Variants in ANKRD11 observed in about 807,000 individuals in gnomAD.
The protein encoded by ANKRD11 is ankyrin repeat domain-containing protein 11.
ANKRD11 carries 17 observed loss-of-function variants against 195.7 expected under a neutral mutation model. That is an observed-to-expected ratio of 0.09 (90% CI 0.06 to 0.13). ANKRD11 has a LOEUF of 0.13. ANKRD11 is among the 10% of genes least tolerant of loss of function. The pLI is 1.00. For synonymous variants in ANKRD11, 1,953 were observed against 1,528.1 expected (o/e 1.28, Z -6.49); for missense variants, 3,735 against 3,566.1 (o/e 1.05, Z -1.21).
intron 4 of ANKRD11, chr16:89,300,501 G>A (rs539967153): frequency 1.2e-3 from 263 of 218,306 alleles, no homozygotes; most frequent in Non-Finnish European, 1.9e-3. Flanking sequence ...CTCTCTGCCC[G>A]CTCGGGTCCA....
At chr16:89,286,420 C>A in intron 7 of ANKRD11, 1 of 649,132 alleles carries the variant, frequency 1.5e-6, no homozygotes, top group South Asian at 1.8e-5. Context: ...GGCTCCCGCA[C>A]CCCTCCTGTG....
At chr16:89,346,014 G>C (rs2038920102) in intron 2 of ANKRD11, among the ~76,000 whole-genome samples, 1 of 152,108 alleles carries the variant, frequency 6.6e-6, no homozygotes, top group African/African-American at 2.4e-5. Flanking sequence ...GGCCAAAGCA[G>C]GCGGATCACT....
At chr16:89,426,568 A>ACACAC (rs1320103877) in intron 1 of ANKRD11, among the ~76,000 whole-genome samples, 14 of 81,672 alleles carry the variant, frequency 1.7e-4, no homozygotes, top group South Asian at 9.3e-4. Context: ...CACACACACA[A>ACACAC]ATCTGAAATC....
At chr16:89,463,847 C>A (rs1221041588) in intron 1 of ANKRD11, among the ~76,000 whole-genome samples, 1 of 152,074 alleles carries the variant, frequency 6.6e-6, no homozygotes, top group African/African-American at 2.4e-5. Context: ...TCTACTTATG[C>A]AAAAAATTAA....
At chr16:89,387,866 G>A (rs545502609) in intron 2 of ANKRD11, among the ~76,000 whole-genome samples, 14 of 151,276 alleles carry the variant, frequency 9.3e-5, no homozygotes, top group East Asian at 7.8e-4. Context: ...TTAGCCAGGC[G>A]TGGTGGTGGG....
At position 89,376,264 on chromosome 16, in the gene ANKRD11, A is replaced by G. The variant is rs1471292533; in HGVS notation, c.-60+42020T>C. Among the ~76,000 whole-genome samples, 3 of 152,216 alleles carry G rather than the reference A, an allele frequency of 2.0e-5. No homozygotes were observed. The East Asian group carries it at 5.8e-4, about 29-fold the overall frequency. On this transcript the variant is annotated intron_variant, in intron 2 of 12. Coordinates refer to ENST00000301030, the MANE Select transcript of ANKRD11 (RefSeq NM_013275.6). ...ACAACTGAAAGTAAAAGGAAGGGGA[A>G]GCAGCTGGAGAAGTGGATGCCAGCA...
intron 1 of ANKRD11, among the ~76,000 whole-genome samples, chr16:89,480,025 TGC>T (rs1240809832): frequency 1.5e-5 from 2 of 134,444 alleles, no homozygotes; most frequent in African/African-American, 5.7e-5. Flanking sequence ...GCAGGAGAAA[TGC>T]TTGAACCCGA....
intron 1 of ANKRD11, chr16:89,458,973 T>C (rs996913412): frequency 1.3e-5 from 2 of 152,404 alleles, no homozygotes; most frequent in African/African-American, 4.8e-5. Context: ...CAGGAAAACT[T>C]CTCTGTGATG....
At chr16:89,273,038 G>A (rs2151689793) in intron 11 of ANKRD11, 1 of 122,396 alleles carries the variant, frequency 8.2e-6, no homozygotes, top group Admixed American at 8.7e-5. Context: ...AGTGGTTAAT[G>A]GGTACCAAAA....
chr16:89,444,226 G>A (rs1020334715), intron 1 of ANKRD11, among the ~76,000 whole-genome samples: 1 of 151,986 alleles, frequency 6.6e-6, no homozygotes, highest in African/African-American at 2.4e-5. Flanking sequence ...ACAACACTCT[G>A]TATGCCCTTC....
chr16:89,408,316 T>C (rs544311087), intron 2 of ANKRD11, among the ~76,000 whole-genome samples: 32 of 152,150 alleles, frequency 2.1e-4, no homozygotes, highest in Admixed American at 1.1e-3. Flanking sequence ...ACCACAGACA[T>C]GGTGACCAGG....
intron 1 of ANKRD11, among the ~76,000 whole-genome samples, chr16:89,477,880 C>T (rs1173852463): frequency 3.3e-5 from 5 of 151,978 alleles, no homozygotes; most frequent in African/African-American, 4.8e-5. Context: ...ACTGCTTGAA[C>T]GCAGGAGGCG....
At chr16:89,413,344 G>C (rs2042170433) in intron 2 of ANKRD11, among the ~76,000 whole-genome samples, 1 of 152,168 alleles carries the variant, frequency 6.6e-6, no homozygotes, top group Admixed American at 6.5e-5. Context: ...AATGGAAGTG[G>C]ACTGGGCGCA....
chr16:89,353,874 A>T (rs1567689775), intron 2 of ANKRD11, among the ~76,000 whole-genome samples: 1 of 152,246 alleles, frequency 6.6e-6, no homozygotes, highest in African/African-American at 2.4e-5. Flanking sequence ...GAAACAAGAC[A>T]GAGCAGCCTC....
At chr16:89,435,381 T>TCC (rs924306973) in intron 1 of ANKRD11, among the ~76,000 whole-genome samples, 72 of 152,066 alleles carry the variant, frequency 4.7e-4, no homozygotes, top group Non-Finnish European at 7.1e-4. Context: ...CCCACTGGGG[T>TCC]CCCCTTCCAT....
Position 89,281,176 on chromosome 16 carries a change from C to A in ANKRD11, c.5366G>T (p.Arg1789Leu), listed in dbSNP as rs1048947362. 1 of 1,614,066 alleles carries A rather than the reference C, an allele frequency of 6.2e-7. No individual in the cohort carries two copies. Residue 1789 changes from arginine (R) to leucine (L), a missense_variant, in exon 9 of 13, where the codon CGC (arginine) becomes CTC (leucine). By Grantham distance (102) the Arg-to-Leu change is moderately radical. Coordinates refer to ENST00000301030, the MANE Select transcript of ANKRD11 (RefSeq NM_013275.6). The surrounding 1 kb of genome is among the most constrained non-coding windows in gnomAD (Gnocchi z 5.5). ...CCTCCTAATGTCGACAGAGACCGAG[C>A]GGTAAAGGTTTGTGGAGAGAGGCCT... ...PARPLSTNLY[R>L]SVSVDIRRTP...
intron 7 of ANKRD11, chr16:89,286,542 A>C: frequency 1.5e-6 from 1 of 651,224 alleles, no homozygotes; most frequent in Non-Finnish European, 2.2e-6. Flanking sequence ...CCTCCCGCCA[A>C]CAGTGAGCTC....
intron 2 of ANKRD11, among the ~76,000 whole-genome samples, chr16:89,375,999 A>C: frequency 6.6e-6 from 1 of 152,162 alleles, no homozygotes; most frequent in East Asian, 1.9e-4. Context: ...AAATCGATAA[A>C]TCCAGCAGAA....
In ANKRD11 at chr16:89,279,947, G is replaced by C; in HGVS notation, c.6595C>G (p.Leu2199Val). Reference sequence around the variant, plus strand: ...GGCTCAGGCTCGAGCTCTGCAGGGAGCCGGGTGGAGGCCTGGTCAGGAGGC... The same window carrying C: ...GGCTCAGGCTCGAGCTCTGCAGGGACCCGGGTGGAGGCCTGGTCAGGAGGC... ...ALPPDQASTR[L>V]PAELEPEPSG... The change falls in exon 9 of 13, where the codon CTC becomes GTC. Residue 2199 changes from leucine to valine, a missense_variant. Transcript: ENST00000301030. The surrounding 1 kb of genome is among the most constrained non-coding windows in gnomAD (Gnocchi z 5.6). The C allele has an allele frequency of 6.2e-7, 1 of 1,610,146 alleles. No individual in the cohort carries two copies. The highest frequency in any genetic ancestry group is 8.5e-7 in the Non-Finnish European group (1 of 1,179,862).
Sources: allele counts gnomAD v4.1 joint callset (sites outside exome capture counted in the v4.1 genomes callset), GRCh38; gene constraint gnomAD v4.1.1; non-coding constraint Gnocchi (gnomAD v3.1); transcripts MANE v1.5; gene names NCBI Gene and HGNC (gene_info 2026-07-23, HGNC 2026-07-21).